SETD3: variants seen among roughly 807,000 people sequenced by gnomAD.
SETD3 encodes actin-histidine N-methyltransferase.
Under a neutral mutation model 63.0 loss-of-function variants are expected in SETD3, and 19 were observed. That is an observed-to-expected ratio of 0.30 (90% CI 0.21 to 0.44). The LOEUF is 0.44. Among genes scored for constraint, SETD3 ranks in the 20% least tolerant of loss-of-function variants. The pLI, the probability that SETD3 is intolerant of heterozygous loss-of-function variation, is 1.00. For missense variants in SETD3, 587 were observed against 728.5 expected (o/e 0.81, Z 2.24); for synonymous variants, 286 against 264.1 (o/e 1.08, Z -0.80).
At chr14:99,478,904 T>C (rs185623944) in intron 1 of SETD3, 10 of 152,362 alleles carry the variant, frequency 6.6e-5, no homozygotes, top group Admixed American at 2.0e-4. Flanking sequence ...CATTATCCAG[T>C]GGCTTCTAAA....
chr14:99,478,612 T>C (rs1428011418), intron 1 of SETD3: 1 of 152,058 alleles, frequency 6.6e-6, no homozygotes, highest in African/African-American at 2.4e-5. Flanking sequence ...GACTTGGAGG[T>C]AGGATTTTTG....
Position 99,404,282 on chromosome 14 carries a change from C to T in SETD3, c.1120G>A (p.Glu374Lys), listed in dbSNP as rs2139616973. ...TSSVFALHFT[E>K]PPISAQLLAF... ...AAAAGCTGAGCAGAGATGGGCGGCT[C>T]GGTAAAATGCAATGCAAAAACACTG... Residue 374 changes from glutamate to lysine, a missense_variant, in exon 11 of 13, where the codon GAG (glutamate) becomes AAG (lysine). Glu to Lys is a moderately conservative substitution (Grantham distance 56, BLOSUM62 1). Coordinates refer to ENST00000331768, the MANE Select transcript of SETD3 (RefSeq NM_032233.3). The T allele has an allele frequency of 4.3e-6, 7 of 1,613,986 alleles. No individual in the cohort carries two copies. Among genetic ancestry groups the T allele is most frequent in the African/African-American group, 2.7e-5 (2 of 75,002 alleles).
In SETD3 at chr14:99,401,402, C is replaced by T. The variant is rs532659145; in HGVS notation, c.1178-1143G>A. Reference sequence around the variant, plus strand: ...TGTGATTAGGAGACAGTGTCTCTTTCAGAGCAAAATGCCCCACAGCTGTCA... The same window carrying T: ...TGTGATTAGGAGACAGTGTCTCTTTTAGAGCAAAATGCCCCACAGCTGTCA... On this transcript the variant is annotated intron_variant, in intron 11 of 12. Coordinates refer to ENST00000331768, the MANE Select transcript of SETD3 (RefSeq NM_032233.3). Among the ~76,000 whole-genome samples, 36 of 152,314 alleles carry T rather than the reference C, an allele frequency of 2.4e-4. No homozygotes were observed. In the South Asian group the frequency reaches 7.3e-3, roughly 31 times the overall value.
At chr14:99,451,017 ATTAAT>A (rs1214846073) in intron 6 of SETD3, among the ~76,000 whole-genome samples, 1 of 152,224 alleles carries the variant, frequency 6.6e-6, no homozygotes, top group African/African-American at 2.4e-5. Context: ...CACAGGGTCT[ATTAAT>A]TTATTTTTCA....
At chr14:99,478,201 A>T (rs542362597) in intron 1 of SETD3, among the ~76,000 whole-genome samples, 1 of 152,224 alleles carries the variant, frequency 6.6e-6, no homozygotes, top group East Asian at 1.9e-4. Context: ...CCAAAGTAAC[A>T]TAAGAATAAA....
At chr14:99,439,661 GTATA>G (rs976224529) in intron 6 of SETD3, among the ~76,000 whole-genome samples, 1 of 144,774 alleles carries the variant, frequency 6.9e-6, no homozygotes, top group Non-Finnish European at 1.5e-5. Flanking sequence ...AAATATGTAA[GTATA>G]TATAATACAT....
At chr14:99,419,496 C>A (rs1892460021) in intron 6 of SETD3, among the ~76,000 whole-genome samples, 1 of 152,158 alleles carries the variant, frequency 6.6e-6, no homozygotes, top group Non-Finnish European at 1.5e-5. Flanking sequence ...CTTTTTATGG[C>A]CGGGCGCGGT....
chr14:99,470,832 C>T (rs113664236), intron 1 of SETD3, among the ~76,000 whole-genome samples: 24 of 152,304 alleles, frequency 1.6e-4, no homozygotes, highest in African/African-American at 3.6e-4. Context: ...TGAAGGCAGA[C>T]GCCCTATATG....
intron 6 of SETD3, among the ~76,000 whole-genome samples, chr14:99,414,232 G>A (rs1892164245): frequency 1.3e-5 from 2 of 152,386 alleles, no homozygotes; most frequent in South Asian, 4.1e-4. Flanking sequence ...ACAAAAGGCA[G>A]GCACGCCTAC....
intron 6 of SETD3, among the ~76,000 whole-genome samples, chr14:99,414,496 G>A (rs1334117658): frequency 7.2e-5 from 11 of 152,158 alleles, no homozygotes; most frequent in East Asian, 1.9e-4. Context: ...GATCAAGCAC[G>A]GAAAATCAGG....
chr14:99,436,015 GA>G (rs2139703883), intron 6 of SETD3, among the ~76,000 whole-genome samples: 1 of 152,226 alleles, frequency 6.6e-6, no homozygotes, highest in South Asian at 2.1e-4. Flanking sequence ...AGAGGAGGAG[GA>G]AGCAAGGCAC....
chr14:99,445,089 A>C (rs1894058735), intron 6 of SETD3, among the ~76,000 whole-genome samples: 2 of 152,196 alleles, frequency 1.3e-5, no homozygotes, highest in African/African-American at 4.8e-5. Context: ...ATGCGATGCA[A>C]ATGCAGAAAG....
At chr14:99,463,220 A>G (rs1421892790) in intron 3 of SETD3, among the ~76,000 whole-genome samples, 1 of 152,252 alleles carries the variant, frequency 6.6e-6, no homozygotes, top group Non-Finnish European at 1.5e-5. Flanking sequence ...ATGTAAATAA[A>G]TAAAATTGTA....
At chr14:99,442,972 G>A (rs376809952) in intron 6 of SETD3, among the ~76,000 whole-genome samples, 41 of 152,274 alleles carry the variant, frequency 2.7e-4, no homozygotes, top group African/African-American at 9.4e-4. Flanking sequence ...GACGCGGACG[G>A]GACGCTGATG....
chr14:99,451,398 C>G (rs557372026), intron 6 of SETD3, among the ~76,000 whole-genome samples: 2 of 152,202 alleles, frequency 1.3e-5, no homozygotes, highest in Non-Finnish European at 2.9e-5. Flanking sequence ...TTTGGCTCAG[C>G]CACAATTTCT....
chr14:99,405,166 G>A, intron 10 of SETD3, 39 bp downstream of exon 10: 1 of 1,592,092 alleles, frequency 6.3e-7, no homozygotes, highest in Non-Finnish European at 8.5e-7. Flanking sequence ...AATAGTTCAA[G>A]TACTGCAAGA....
Position 99,412,940 on chromosome 14 carries a change from G to C in SETD3, c.849+11C>G. Reference sequence around the variant, plus strand: ...CCAGATTCAACACAACACAGGGGAAGAGGTCGTTACCAGGCCGTTGGTGTG... The same window carrying C: ...CCAGATTCAACACAACACAGGGGAACAGGTCGTTACCAGGCCGTTGGTGTG... On this transcript the variant is annotated intron_variant, in intron 8 of 12. Transcript: ENST00000331768. 6.4e-7 allele frequency: 1 copy of C among 1,565,982 alleles called. No homozygotes were observed. The highest frequency in any genetic ancestry group is 1.4e-5 in the African/African-American group (1 of 74,062).
In SETD3 at chr14:99,476,393, A is replaced by T. The variant is rs144025047; in HGVS notation, c.-9+4335T>A. On this transcript the variant is annotated intron_variant, in intron 1 of 12. Transcript: ENST00000331768. The stretch of plus-strand genomic sequence containing the variant: ...TTATTTTTTGGCCTTTTAAAAGTAT[A>T]GTTATTTTGCTGGCTTTGTCCAAAT... Among the ~76,000 whole-genome samples the T allele has an allele frequency of 2.6e-3, 397 of 152,374 alleles. 3 individuals carry two copies. Among genetic ancestry groups the T allele is most frequent in the Non-Finnish European group, 4.4e-3 (301 of 68,046 alleles).
chr14:99,398,608 AAC>A lies in SETD3; in HGVS notation c.*69_*70del. 2.2e-6 allele frequency: 3 copies of A among 1,364,748 alleles called. No homozygotes were observed. Among genetic ancestry groups the A allele is most frequent in the Non-Finnish European group, 3.0e-6 (3 of 987,150 alleles). The allele number at this position is 1,364,748 out of a possible 1,614,324, so 84.5% of individuals were successfully genotyped here. On this transcript the variant is annotated 3_prime_UTR_variant, in exon 13 of 13. Coordinates refer to ENST00000331768, the MANE Select transcript of SETD3 (RefSeq NM_032233.3). Reference sequence around the variant, plus strand: ...GCAGAAAGAAAAATGTTAACAAGGAAACACAGCGATGTGAACGGACTGTCCGT... The same window carrying A: ...GCAGAAAGAAAAATGTTAACAAGGAAACAGCGATGTGAACGGACTGTCCGT...
Sources: gnomAD v4.1 joint callset for allele counts (sites outside exome capture counted in the v4.1 genomes callset) on GRCh38, gnomAD v4.1.1 for gene constraint, MANE v1.5 for transcripts, NCBI Gene and HGNC (gene_info 2026-07-23, HGNC 2026-07-21) for gene names.